PPP1R16B: variants seen among roughly 807,000 people sequenced by gnomAD.
PPP1R16B encodes the protein protein phosphatase 1 regulatory inhibitor subunit 16B.
A neutral mutation model predicts 61.7 loss-of-function variants in PPP1R16B; 14 were observed. The ratio of observed to expected loss-of-function variants is 0.23; its 90% CI spans 0.15 to 0.35. The LOEUF (loss-of-function observed/expected upper bound fraction) is 0.35, where lower values mean the gene tolerates loss of function less well. Ranked by LOEUF, PPP1R16B falls within the 10% of genes least tolerant of loss-of-function variation. The probability of loss-of-function intolerance (pLI) is 1.00; values close to 1 mark genes in which losing one functional copy is unlikely to be tolerated. For synonymous variants in PPP1R16B, 266 were observed against 305.3 expected (o/e 0.87, Z 1.34); for missense variants, 547 against 752.5 (o/e 0.73, Z 3.19).
At position 38,882,099 on chromosome 20, in the gene PPP1R16B, T is replaced by A. The variant is rs143430759; in HGVS notation, c.251-7496T>A. Among the ~76,000 whole-genome samples the A allele has an allele frequency of 4.6e-5, 7 of 152,328 alleles. No individual in the cohort carries two copies. In the East Asian group the frequency reaches 7.7e-4, roughly 17 times the overall value. On this transcript the variant is annotated intron_variant, in intron 2 of 10. Coordinates refer to ENST00000299824, the MANE Select transcript of PPP1R16B (RefSeq NM_015568.4). ...ATCCTCGTAACTGGATTATGAGGAC[T>A]AATTGACTTGATGGATATGAAGGGC... is the stretch of plus-strand genomic sequence containing the variant.
At chr20:38,898,208 A>G (rs1463808601) in intron 4 of PPP1R16B, among the ~76,000 whole-genome samples, 2 of 152,208 alleles carry the variant, frequency 1.3e-5, no homozygotes, top group Non-Finnish European at 2.9e-5. Flanking sequence ...GCATGCGGAT[A>G]TCCAATTTTC....
rs775908477 is a variant in PPP1R16B, at chr20:38,900,635, C to T, written c.522C>T (p.Cys174=). The T allele has an allele frequency of 6.9e-6, 11 of 1,594,058 alleles. No individual in the cohort carries two copies. In the Admixed American group the frequency reaches 1.1e-4, roughly 16 times the overall value. The change falls in exon 5 of 11, where the codon TGC becomes TGT. Residue 174 remains cysteine (C), a synonymous_variant. Transcript: ENST00000299824. The part of the protein sequence containing the change: ...NSDGNMPYDL[C]EDEPTLDVIE... ...ATGGGAACATGCCATATGACCTCTG[C>T]GAGGATGAACCCACCCTGGATGTCA...
intron 2 of PPP1R16B, among the ~76,000 whole-genome samples, chr20:38,868,195 AC>A (rs1297201726): frequency 6.6e-6 from 1 of 152,190 alleles, no homozygotes; most frequent in Non-Finnish European, 1.5e-5. Context: ...AGCACAGTGT[AC>A]ACGCCGGGCA....
intron 2 of PPP1R16B, among the ~76,000 whole-genome samples, chr20:38,837,400 A>G (rs1350889107): frequency 1.3e-5 from 2 of 152,148 alleles, no homozygotes; most frequent in African/African-American, 2.4e-5. Flanking sequence ...TACATTATCA[A>G]AGGATGTCCA....
chr20:38,868,544 C>G (rs1190145268), intron 2 of PPP1R16B, among the ~76,000 whole-genome samples: 1 of 152,106 alleles, frequency 6.6e-6, no homozygotes, highest in Non-Finnish European at 1.5e-5. Flanking sequence ...GCCACCTCGC[C>G]TGGCTAGTTT....
intron 2 of PPP1R16B, among the ~76,000 whole-genome samples, chr20:38,864,335 A>C (rs2085076096): frequency 2.0e-5 from 3 of 152,224 alleles, no homozygotes; most frequent in Admixed American, 2.0e-4. Context: ...GGAGAATTGT[A>C]TGGCATGTGA....
intron 1 of PPP1R16B, among the ~76,000 whole-genome samples, chr20:38,811,628 T>C (rs1021519946): frequency 7.2e-5 from 11 of 152,238 alleles, no homozygotes; most frequent in African/African-American, 2.4e-4. Context: ...TCTTTTAGTC[T>C]TCTGTTTCAT....
chr20:38,908,201 G>A lies in PPP1R16B; in HGVS notation c.1194+8G>A. The A allele has an allele frequency of 6.2e-7, 1 of 1,614,118 alleles. No homozygotes were observed. Among genetic ancestry groups the A allele is most frequent in the African/African-American group, 1.3e-5 (1 of 75,062 alleles). ...CAAGAGAATAAGGACCCTGTGAGTG[G>A]CCTCACGCCCTGCCCTAGTGTCAGC... On this transcript the variant is annotated splice_region_variant and intron_variant, in intron 10 of 10. Coordinates refer to ENST00000299824, the MANE Select transcript of PPP1R16B (RefSeq NM_015568.4).
intron 1 of PPP1R16B, among the ~76,000 whole-genome samples, chr20:38,828,014 G>A (rs2084814927): frequency 6.6e-6 from 1 of 152,182 alleles, no homozygotes; most frequent in African/African-American, 2.4e-5. Flanking sequence ...GTGTAGAGAA[G>A]AATAGCTGAA....
chr20:38,893,780 A>T (rs1304106729), intron 3 of PPP1R16B, among the ~76,000 whole-genome samples: 5 of 151,940 alleles, frequency 3.3e-5, no homozygotes, highest in Non-Finnish European at 2.9e-5. Context: ...CATCTATCTC[A>T]CAAGACTCTG....
intron 1 of PPP1R16B, among the ~76,000 whole-genome samples, chr20:38,809,682 T>TA (rs1425216746): frequency 2.6e-5 from 4 of 151,934 alleles, no homozygotes; most frequent in Non-Finnish European, 5.9e-5. Flanking sequence ...ACACTGTGGA[T>TA]AAAAAACCTA....
rs370577250 is a variant in PPP1R16B at position 38,918,671 on chromosome 20, C to T, written c.*5C>T. 2.3e-5 allele frequency: 35 copies of T among 1,500,428 alleles called. No individual in the cohort carries two copies. The highest frequency in any genetic ancestry group is 1.1e-4 in the East Asian group (5 of 43,526). The allele number at this position is 1,500,428 out of a possible 1,614,324, so 92.9% of individuals were successfully genotyped here. ...GGCTGTTGCCGTATCTCCTAGTCTC[C>T]GTGTGATGGAGGAGGGAGATGCCTG... is the stretch of plus-strand genomic sequence containing the variant. On this transcript the variant is annotated 3_prime_UTR_variant, in exon 11 of 11. Transcript: ENST00000299824. This position sits in a 1 kb window ranked among gnomAD's most constrained non-coding sequence, Gnocchi z 5.3.
chr20:38,902,879 G>A (rs1380972982), intron 6 of PPP1R16B, 87 bp downstream of exon 6: 5 of 1,579,748 alleles, frequency 3.2e-6, no homozygotes, highest in Non-Finnish European at 4.3e-6. Context: ...GTACCCTTGG[G>A]GCCTGTCTGT....
At position 38,920,170 on chromosome 20, in the gene PPP1R16B, C is replaced by T. The variant is rs978164564; in HGVS notation, c.*1504C>T. On this transcript the variant is annotated 3_prime_UTR_variant, in exon 11 of 11. Coordinates refer to ENST00000299824, the MANE Select transcript of PPP1R16B (RefSeq NM_015568.4). ...AGGGAGGACTGTGAATGGCTGTTCT[C>T]CCCTCACTGCTGAGTCTCCCAGGAC... 13 of 152,964 alleles carry T rather than the reference C, an allele frequency of 8.5e-5. No homozygotes were observed. The highest frequency in any genetic ancestry group is 2.9e-4 in the African/African-American group (12 of 41,594). The allele number at this position is 152,964 out of a possible 1,614,324, so 9.5% of individuals were successfully genotyped here.
At chr20:38,880,106 A>G (rs1156964267) in intron 2 of PPP1R16B, among the ~76,000 whole-genome samples, 2 of 152,176 alleles carry the variant, frequency 1.3e-5, no homozygotes, top group Non-Finnish European at 2.9e-5. Flanking sequence ...GGGGGCCTGA[A>G]CTACATCACA....
intron 2 of PPP1R16B, among the ~76,000 whole-genome samples, chr20:38,873,694 A>G (rs1294307117): frequency 1.3e-5 from 2 of 151,808 alleles, no homozygotes; most frequent in Non-Finnish European, 2.9e-5. Context: ...TGGCTTTCCC[A>G]GAACAGGTGA....
Position 38,902,764 on chromosome 20 carries a change from A to G in PPP1R16B, c.668A>G (p.Asp223Gly). 2 of 1,614,234 alleles carry G rather than the reference A, an allele frequency of 1.2e-6. No homozygotes were observed. Among genetic ancestry groups the G allele is most frequent in the Non-Finnish European group, 1.7e-6 (2 of 1,180,024 alleles). The change falls in exon 6 of 11, where the codon GAC becomes GGC. Residue 223 changes from aspartate (D) to glycine (G), a missense_variant. By Grantham distance (94) the Asp-to-Gly change is moderately conservative (BLOSUM62 -1). Coordinates refer to ENST00000299824, the MANE Select transcript of PPP1R16B (RefSeq NM_015568.4). Reference protein sequence around the residue: ...HCMIAAGQDLDWIDAQGATLL... With the variant: ...HCMIAAGQDLGWIDAQGATLL... ...ATGATCGCAGCGGGCCAGGACCTGG[A>G]CTGGATAGATGCCCAGGGTGCCACA... is the stretch of plus-strand genomic sequence containing the variant.
chr20:38,821,989 ATATATTAAT>A (rs1448561133), intron 1 of PPP1R16B, among the ~76,000 whole-genome samples: 9 of 146,164 alleles, frequency 6.2e-5, no homozygotes, highest in Admixed American at 2.8e-4. Flanking sequence ...AGAAATATAT[ATATATTAAT>A]ATATATAATA....
At chr20:38,834,690 T>G (rs2084857965) in intron 1 of PPP1R16B, among the ~76,000 whole-genome samples, 1 of 152,184 alleles carries the variant, frequency 6.6e-6, no homozygotes, top group African/African-American at 2.4e-5. Context: ...TGTCAATATT[T>G]ATCATAATAT....
Sources: allele counts gnomAD v4.1 joint callset (sites outside exome capture counted in the v4.1 genomes callset), GRCh38; gene constraint gnomAD v4.1.1; non-coding constraint Gnocchi (gnomAD v3.1); transcripts MANE v1.5; gene names NCBI Gene and HGNC (gene_info 2026-07-23, HGNC 2026-07-21).